Variants in CTSA observed in about 807,000 individuals in gnomAD.
The protein encoded by CTSA is cathepsin A, also known as lysosomal protective protein.
CTSA carries 42 observed loss-of-function variants against 66.7 expected under a neutral mutation model. That is an observed-to-expected ratio of 0.63 (90% confidence interval 0.49 to 0.81). The LOEUF (loss-of-function observed/expected upper bound fraction) is 0.81. CTSA is among the 40% of genes least tolerant of loss of function. The probability of loss-of-function intolerance (pLI) is 0.00; values close to 1 mark genes in which losing one functional copy is unlikely to be tolerated. For missense variants in CTSA, 525 were observed against 610.9 expected, an observed-to-expected ratio of 0.86 and a Z score of 1.48; for synonymous variants, 225 against 248.6, an observed-to-expected ratio of 0.91 and a Z score of 0.89.
At chr20:45,892,517 T>TC (rs770853645) in intron 5 of CTSA, 33 bp downstream of exon 5, 2 of 1,594,348 alleles carry the variant, frequency 1.3e-6, no homozygotes, top group Non-Finnish European at 1.7e-6. Context: ...TGCCCCAGGC[T>TC]CCCCGGTCCT....
In CTSA at chr20:45,893,976, C is replaced by T. The variant is rs1987105581; in HGVS notation, c.693-12C>T. 1 of 1,573,490 alleles carries T rather than the reference C, an allele frequency of 6.4e-7. No individual in the cohort carries two copies. The highest frequency in any genetic ancestry group is 8.7e-7 in the Non-Finnish European group (1 of 1,143,870). ...CAGCAGCTGATGCGCTTTTCACTCT[C>T]ATCTCCTACAGGCTTTGGTCTTCTC... On this transcript the variant is annotated splice_polypyrimidine_tract_variant and intron_variant, in intron 7 of 14. Transcript: ENST00000646241.
chr20:45,898,620 C>A lies in CTSA; in HGVS notation c.*170C>A. The A allele has an allele frequency of 2.6e-6, 2 of 754,728 alleles. No individual in the cohort carries two copies. Among genetic ancestry groups the A allele is most frequent in the Non-Finnish European group, 4.6e-6 (2 of 438,910 alleles). 46.8% of individuals were successfully genotyped at this position (754,728 alleles called of 1,614,324 possible). ...TGGGCCCAGGGTCTCCCATAGACAGCCTGGGGGCAAGTTAGCACTTTATTC... is the reference window on the plus strand; with the variant it reads ...TGGGCCCAGGGTCTCCCATAGACAGACTGGGGGCAAGTTAGCACTTTATTC... On this transcript the variant is annotated 3_prime_UTR_variant, in exon 15 of 15. Transcript: ENST00000646241. The surrounding 1 kb of genome is among the most constrained non-coding windows in gnomAD (Gnocchi z 4.6).
At chr20:45,896,689 G>A (rs528508313) in intron 11 of CTSA, 28 of 441,872 alleles carry the variant, frequency 6.3e-5, no homozygotes, top group South Asian at 2.1e-4. Context: ...CACTCACCTC[G>A]GTCTCCCAAA....
chr20:45,898,269 G>C lies in CTSA; in HGVS notation c.1360-98G>C. On this transcript the variant is annotated intron_variant, in intron 14 of 14. Transcript: ENST00000646241. This position sits in a 1 kb window ranked among gnomAD's most constrained non-coding sequence, Gnocchi z 4.6. ...AGAGGGGTGGGGAGGGTTCTGGGAA[G>C]AATAAAGGGTTTGGGATGAAGGAAT... 7.4e-7 allele frequency: 1 copy of C among 1,347,064 alleles called. No homozygotes were observed. Among genetic ancestry groups the C allele is most frequent in the Non-Finnish European group, 1.0e-6 (1 of 957,150 alleles). 83.4% of individuals were successfully genotyped at this position (1,347,064 alleles called of 1,614,324 possible). A position where few individuals can be genotyped will look rare whatever the true frequency, so the allele number is the denominator to read the frequency against.
In CTSA at chr20:45,892,353, C is replaced by T. The variant is rs200813456; in HGVS notation, c.357+30C>T. The stretch of plus-strand genomic sequence containing the variant: ...AGCTGGAGCTGTGGGTGTGTCTGGG[C>T]ACTTGGATGGGGTGGCATTTAGCTA... On this transcript the variant is annotated intron_variant, in intron 4 of 14. Coordinates refer to ENST00000646241, the MANE Select transcript of CTSA (RefSeq NM_000308.4). The T allele has an allele frequency of 3.5e-4, 564 of 1,613,956 alleles. 1 individual carries two copies. The highest frequency in any genetic ancestry group is 3.9e-4 in the Non-Finnish European group (466 of 1,179,846).
intron 11 of CTSA, 133 bp from the exon 12 acceptor site, chr20:45,896,832 C>T (rs945993524): frequency 7.6e-6 from 6 of 791,440 alleles, no homozygotes; most frequent in South Asian, 5.4e-5. Flanking sequence ...GTGGCCCCCC[C>T]CCAAAAAGGG....
chr20:45,891,658 C>G lies in CTSA; in HGVS notation c.90C>G (p.Pro30=). Reference sequence around the variant, plus strand: ...GGGCGTCCCGAGGCGAGGCAGCCCCCGACCAGGACGAGATCCAGCGCCTCC... The same window carrying G: ...GGGCGTCCCGAGGCGAGGCAGCCCCGGACCAGGACGAGATCCAGCGCCTCC... ...VSWASRGEAA[P]DQDEIQRLPG... is the part of the protein sequence containing the mutation. Residue 30 remains proline (P), a synonymous_variant, in exon 2 of 15, where the codon CCC becomes CCG. Transcript: ENST00000646241. This position sits in a 1 kb window ranked among gnomAD's most constrained non-coding sequence, Gnocchi z 4.6. 6.2e-7 allele frequency: 1 copy of G among 1,612,584 alleles called. No individual in the cohort carries two copies. Among genetic ancestry groups the G allele is most frequent in the Non-Finnish European group, 8.5e-7 (1 of 1,179,894 alleles).
rs1461719642 is a variant in CTSA at position 45,898,638 on chromosome 20, C to A, written c.*188C>A. ...TAGACAGCCTGGGGGCAAGTTAGCA[C>A]TTTATTCCCGCAGCAGTTCCTGAAT... On this transcript the variant is annotated 3_prime_UTR_variant, in exon 15 of 15. Transcript: ENST00000646241. The surrounding 1 kb of genome is among the most constrained non-coding windows in gnomAD (Gnocchi z 4.6). 1 of 711,034 alleles carries A rather than the reference C, an allele frequency of 1.4e-6. No homozygotes were observed. Among genetic ancestry groups the A allele is most frequent in the African/African-American group, 1.7e-5 (1 of 57,152 alleles). The allele number at this position is 711,034 out of a possible 1,614,324, so 44.0% of individuals were successfully genotyped here.
chr20:45,892,910 G>A (rs572852562), intron 6 of CTSA, 30 bp downstream of exon 6: 1 of 1,612,894 alleles, frequency 6.2e-7, no homozygotes, highest in African/African-American at 1.3e-5. Context: ...GGGAAGGGAG[G>A]TAGCTTGAGG....
At chr20:45,892,235 G>T in intron 3 of CTSA, 38 bp from the exon 4 acceptor site, 1 of 1,609,748 alleles carries the variant, frequency 6.2e-7, no homozygotes, top group Non-Finnish European at 8.5e-7. Flanking sequence ...CACCCAGCTG[G>T]CCCTTGGGAC....
chr20:45,897,061 T>G (rs776725071), intron 12 of CTSA, 21 bp downstream of exon 12: 1 of 1,595,452 alleles, frequency 6.3e-7, no homozygotes, highest in South Asian at 1.1e-5. Flanking sequence ...AGAGCACAGC[T>G]GGATCACCAG....
intron 9 of CTSA, 30 bp from the exon 10 acceptor site, chr20:45,894,793 C>T (rs1987152186): frequency 6.3e-7 from 1 of 1,578,838 alleles, no homozygotes; most frequent in East Asian, 2.3e-5. Context: ...TCTGGAGGCT[C>T]CACACCCATT....
rs149793498 is a variant in CTSA, at chr20:45,892,844, C to T, written c.564C>T (p.Ala188=). Residue 188 remains alanine, a synonymous_variant, in exon 6 of 15, where the codon GCC becomes GCT. Coordinates refer to ENST00000646241, the MANE Select transcript of CTSA (RefSeq NM_000308.4). ...CTGGCATCTACATCCCCACCCTGGC[C>T]GTGCTGGTCATGCAGGATCCCAGCA... ...SYAGIYIPTL[A]VLVMQDPSMN... is the part of the protein sequence containing the mutation. The T allele has an allele frequency of 1.8e-4, 292 of 1,614,180 alleles. No homozygotes were observed. Among genetic ancestry groups the T allele is most frequent in the Admixed American group, 1.1e-3 (69 of 60,006 alleles).
chr20:45,892,187 C>G (rs1986993863), intron 3 of CTSA, 86 bp from the exon 4 acceptor site: 1 of 1,490,236 alleles, frequency 6.7e-7, no homozygotes, highest in East Asian at 2.3e-5. Flanking sequence ...GAGGTTTTAC[C>G]CACATGTAAA....
chr20:45,893,623 C>T (rs112000826), intron 7 of CTSA, among the ~76,000 whole-genome samples: 2 of 152,182 alleles, frequency 1.3e-5, no homozygotes, highest in African/African-American at 2.4e-5. Context: ...GCTGGGACTA[C>T]AGGCGCGTAC....
At chr20:45,895,449 G>A (rs1987201821) in intron 11 of CTSA, among the ~76,000 whole-genome samples, 1 of 107,684 alleles carries the variant, frequency 9.3e-6, no homozygotes, top group Non-Finnish European at 1.9e-5. Flanking sequence ...CCAGTAGCTG[G>A]GACTACAGAC....
intron 7 of CTSA, 34 bp from the exon 8 acceptor site, chr20:45,893,954 C>T (rs757577137): frequency 5.8e-6 from 8 of 1,376,766 alleles, no homozygotes; most frequent in South Asian, 2.3e-5. Context: ...TTCCCACCAG[C>T]AGCTGATGCG....
In CTSA at chr20:45,892,502, C is replaced by G; in HGVS notation, c.444+18C>G. ...ACACTGAGGTGAGTCTGGTGCCTGC[C>G]CATCTGCCCCAGGCTCCCCGGTCCT... is the stretch of plus-strand genomic sequence containing the variant. On this transcript the variant is annotated intron_variant, in intron 5 of 14. Coordinates refer to ENST00000646241, the MANE Select transcript of CTSA (RefSeq NM_000308.4). 6.2e-7 allele frequency: 1 copy of G among 1,609,510 alleles called. No individual in the cohort carries two copies. The highest frequency in any genetic ancestry group is 8.5e-7 in the Non-Finnish European group (1 of 1,175,898).
intron 7 of CTSA, 47 bp from the exon 8 acceptor site, chr20:45,893,941 C>T (rs1402702708): frequency 2.4e-6 from 3 of 1,253,022 alleles, no homozygotes; most frequent in Non-Finnish European, 3.5e-6. Flanking sequence ...CTCTGCCTTC[C>T]TCTTCCCACC....
Sources: allele counts gnomAD v4.1 joint callset (sites outside exome capture counted in the v4.1 genomes callset), GRCh38; gene constraint gnomAD v4.1.1; non-coding constraint Gnocchi (gnomAD v3.1); transcripts MANE v1.5; gene names NCBI Gene and HGNC (gene_info 2026-07-23, HGNC 2026-07-21).